The following ASIC2 variants were observed in gnomAD, a reference collection of about 807,000 sequenced individuals.
The protein encoded by ASIC2 is acid sensing ion channel subunit 2.
A neutral mutation model predicts 57.3 loss-of-function variants in ASIC2; 25 were observed. The observed-to-expected ratio is 0.44, with a 90% CI of 0.32 to 0.61. The LOEUF is 0.61. Among genes scored for constraint, ASIC2 ranks in the 20% least tolerant of loss-of-function variants. The probability of loss-of-function intolerance (pLI) is 0.06; values close to 1 mark genes in which losing one functional copy is unlikely to be tolerated. For missense variants in ASIC2, 641 were observed against 738.1 expected, an observed-to-expected ratio of 0.87 and a Z score of 1.52; for synonymous variants, 319 against 307.5, an observed-to-expected ratio of 1.04 and a Z score of -0.39.
At chr17:33,395,581 T>C (rs760603954) in intron 1 of ASIC2, among the ~76,000 whole-genome samples, 1 of 152,148 alleles carries the variant, frequency 6.6e-6, no homozygotes, top group African/African-American at 2.4e-5. Context: ...CCAAACCCTA[T>C]CACCATCCAT....
At chr17:33,756,849 C>G (rs902565) in intron 1 of ASIC2, among the ~76,000 whole-genome samples, 97,165 of 152,138 alleles carry the variant, frequency 0.64, 31,254 homozygotes, top group African/African-American at 0.69. Context: ...GAACTGAGTG[C>G]CTTTAACACA....
At chr17:34,128,829 T>C (rs1297123682) in intron 1 of ASIC2, among the ~76,000 whole-genome samples, 6 of 152,102 alleles carry the variant, frequency 3.9e-5, no homozygotes, top group African/African-American at 1.4e-4. Context: ...CTAGCTCAGC[T>C]CCAGCTGCAC....
At chr17:33,315,694 T>C (rs1906617086) in intron 1 of ASIC2, among the ~76,000 whole-genome samples, 1 of 152,236 alleles carries the variant, frequency 6.6e-6, no homozygotes, top group Non-Finnish European at 1.5e-5. Context: ...TCTTAAGAAA[T>C]GTATAATGCT....
intron 1 of ASIC2, among the ~76,000 whole-genome samples, chr17:33,664,435 C>G (rs1258353195): frequency 1.3e-5 from 2 of 152,236 alleles, no homozygotes; most frequent in Admixed American, 6.5e-5. Flanking sequence ...ATGCCCCACT[C>G]TGCAGTTTGG....
At chr17:34,081,178 C>T (rs1448978399) in intron 1 of ASIC2, among the ~76,000 whole-genome samples, 3 of 152,140 alleles carry the variant, frequency 2.0e-5, no homozygotes, top group Non-Finnish European at 4.4e-5. Flanking sequence ...TTCATAGATG[C>T]ACCCCAGATC....
At chr17:33,111,663 GCCTTCCTTCCCCCTA>G (rs1195878628) in intron 2 of ASIC2, among the ~76,000 whole-genome samples, 2 of 151,212 alleles carry the variant, frequency 1.3e-5, no homozygotes, top group Admixed American at 6.6e-5. Flanking sequence ...CTTCCCCCAT[GCCTTCCTTCCCCCTA>G]CCTACCTTAC....
intron 1 of ASIC2, among the ~76,000 whole-genome samples, chr17:34,012,874 C>T (rs993048131): frequency 3.3e-5 from 5 of 152,126 alleles, no homozygotes; most frequent in Non-Finnish European, 7.3e-5. Context: ...GAAGGTCAAG[C>T]GCTAGTGTGG....
At chr17:33,101,662 G>C (rs944803107) in intron 2 of ASIC2, among the ~76,000 whole-genome samples, 1 of 152,100 alleles carries the variant, frequency 6.6e-6, no homozygotes, top group Non-Finnish European at 1.5e-5. Flanking sequence ...GAGGATGTAG[G>C]CTTCTTAGAT....
intron 1 of ASIC2, among the ~76,000 whole-genome samples, chr17:33,874,021 T>A (rs1338114223): frequency 6.6e-6 from 1 of 152,252 alleles, no homozygotes; most frequent in Non-Finnish European, 1.5e-5. Flanking sequence ...GACTTTGAGC[T>A]AATGGCCTGG....
intron 1 of ASIC2, among the ~76,000 whole-genome samples, chr17:33,438,481 A>G (rs541110104): frequency 6.6e-5 from 10 of 152,286 alleles, no homozygotes. Flanking sequence ...ATAAGCTGGA[A>G]TCTTCACATA....
intron 1 of ASIC2, among the ~76,000 whole-genome samples, chr17:33,579,492 T>C (rs576916196): frequency 6.6e-6 from 1 of 152,070 alleles, no homozygotes; most frequent in African/African-American, 2.4e-5. Flanking sequence ...ATCACGTGCC[T>C]TACTGTGCCC....
At chr17:34,021,311 C>G (rs1000399701) in intron 1 of ASIC2, among the ~76,000 whole-genome samples, 1 of 152,092 alleles carries the variant, frequency 6.6e-6, no homozygotes, top group Admixed American at 6.5e-5. Context: ...CAGGGCCCTG[C>G]AATCTTGCAT....
chr17:33,177,759 C>A (rs1353396844), intron 1 of ASIC2, among the ~76,000 whole-genome samples: 1 of 152,120 alleles, frequency 6.6e-6, no homozygotes, highest in East Asian at 1.9e-4. Context: ...CGGTGGAGAC[C>A]CAGTCCAGGG....
At chr17:33,962,953 C>T (rs1227992173) in intron 1 of ASIC2, among the ~76,000 whole-genome samples, 2 of 152,154 alleles carry the variant, frequency 1.3e-5, no homozygotes, top group Non-Finnish European at 2.9e-5. Flanking sequence ...CTTTTCACTT[C>T]ACTCCTTGCC....
chr17:34,037,575 T>C, intron 1 of ASIC2: 1 of 1,453,902 alleles, frequency 6.9e-7, no homozygotes, highest in Non-Finnish European at 9.3e-7. Flanking sequence ...GAACGCCATT[T>C]GTCCACTTTG....
intron 1 of ASIC2, among the ~76,000 whole-genome samples, chr17:33,521,810 C>T (rs543461220): frequency 1.4e-4 from 21 of 152,328 alleles, no homozygotes; most frequent in African/African-American, 4.6e-4. Context: ...ACCTCATCCC[C>T]GCTCCTCAGA....
intron 1 of ASIC2, among the ~76,000 whole-genome samples, chr17:33,783,666 T>C (rs1911521925): frequency 6.6e-6 from 1 of 152,222 alleles, no homozygotes; most frequent in South Asian, 2.1e-4. Flanking sequence ...TATTTTGGAT[T>C]TCCATGTTTG....
chr17:34,057,987 T>C lies in ASIC2; in HGVS notation c.555+97991A>G, dbSNP rs139258231. Among the ~76,000 whole-genome samples, 53 of 152,290 alleles carry C rather than the reference T, an allele frequency of 3.5e-4. No individual in the cohort carries two copies. The East Asian group carries it at 8.7e-3, about 25-fold the overall frequency. ...CCAGACATTTTGACACCTACACCCA[T>C]GTACTTGTGTGCGTGCACAACTCTA... On this transcript the variant is annotated intron_variant, in intron 1 of 9. Coordinates refer to the ASIC2 transcript ENST00000359872.
At chr17:33,591,919 A>G (rs1904839670) in intron 1 of ASIC2, among the ~76,000 whole-genome samples, 1 of 152,132 alleles carries the variant, frequency 6.6e-6, no homozygotes, top group Non-Finnish European at 1.5e-5. Flanking sequence ...GTCTGTTCCT[A>G]GAGAAACCTG....
Sources: allele counts gnomAD v4.1 joint callset (sites outside exome capture counted in the v4.1 genomes callset), GRCh38; gene constraint gnomAD v4.1.1; transcripts MANE v1.5; gene names NCBI Gene and HGNC (gene_info 2026-07-23, HGNC 2026-07-21).